NRXN2: variants seen among roughly 807,000 people sequenced by gnomAD.
NRXN2 encodes the protein neurexin 2, also known as neurexin-2-beta.
Under a neutral mutation model 128.8 loss-of-function variants are expected in NRXN2, and 29 were observed. The observed-to-expected ratio is 0.23, with a 90% CI of 0.17 to 0.31. The LOEUF is 0.31. Ranked by LOEUF, NRXN2 falls within the 10% of genes least tolerant of loss-of-function variation. NRXN2 has a pLI of 1.00. For synonymous variants in NRXN2, 1,098 were observed against 1,075.2 expected (o/e 1.02, Z -0.41); for missense variants, 1,881 against 2,452.6 (o/e 0.77, Z 4.92).
At chr11:64,655,102 G>A (rs540728381) in intron 11 of NRXN2, among the ~76,000 whole-genome samples, 64 of 152,334 alleles carry the variant, frequency 4.2e-4, no homozygotes, top group Admixed American at 2.0e-3. Flanking sequence ...CAAAGGGGGT[G>A]GGCAGCTGCA....
intron 19 of NRXN2, among the ~76,000 whole-genome samples, chr11:64,628,980 T>C (rs960015106): frequency 6.6e-6 from 1 of 152,148 alleles, no homozygotes; most frequent in Non-Finnish European, 1.5e-5. Context: ...CATGAACCTC[T>C]GTATGTATTA....
chr11:64,629,801 C>T (rs541056413), intron 19 of NRXN2, among the ~76,000 whole-genome samples: 1 of 152,266 alleles, frequency 6.6e-6, no homozygotes, highest in Admixed American at 6.5e-5. Flanking sequence ...CTTGTCTCTT[C>T]CTCCCTTTCA....
intron 17 of NRXN2, among the ~76,000 whole-genome samples, chr11:64,646,838 T>C (rs894702518): frequency 1.3e-5 from 2 of 152,204 alleles, no homozygotes; most frequent in Non-Finnish European, 2.9e-5. Flanking sequence ...AGCTGGCCAT[T>C]GTCTGGAGGC....
chr11:64,681,193 A>C (rs2052223722), intron 6 of NRXN2, among the ~76,000 whole-genome samples: 2 of 152,028 alleles, frequency 1.3e-5, no homozygotes, highest in Admixed American at 6.6e-5. Context: ...GCTCACATGA[A>C]GTAGTTAGAT....
chr11:64,651,457 G>C lies in NRXN2; in HGVS notation c.2716C>G (p.Leu906Val), dbSNP rs746823521. Residue 906 changes from leucine to valine, a missense_variant, in exon 14 of 23, where the codon CTC (leucine) becomes GTC (valine). Physicochemically the swap from Leu to Val is conservative, Grantham distance 32. This residue lies in a region of NRXN2 where 390 missense variants were observed against 599.6 expected (regional missense o/e 0.65). Coordinates refer to ENST00000265459, the MANE Select transcript of NRXN2 (RefSeq NM_015080.4). This position sits in a 1 kb window ranked among gnomAD's most constrained non-coding sequence, Gnocchi z 5.9. ...CKDGDITYCE[L>V]NARFGLRAIV... ...GCACGCAGGCCAAAGCGAGCATTGA[G>C]CTCACAGTAGGTGATGTCACCATCC... The C allele has an allele frequency of 6.2e-7, 1 of 1,614,206 alleles. No homozygotes were observed. Among genetic ancestry groups the C allele is most frequent in the South Asian group, 1.1e-5 (1 of 91,080 alleles).
chr11:64,670,075 G>C (rs1428585177), intron 7 of NRXN2, among the ~76,000 whole-genome samples: 1 of 152,138 alleles, frequency 6.6e-6, no homozygotes, highest in Non-Finnish European at 1.5e-5. Flanking sequence ...ACTGGGGTAA[G>C]GGAGCTTCCT....
At chr11:64,721,889 G>T (rs1165569847) in intron 1 of NRXN2, among the ~76,000 whole-genome samples, 1 of 152,014 alleles carries the variant, frequency 6.6e-6, no homozygotes, top group South Asian at 2.1e-4. Context: ...ATTATTCCAG[G>T]TGGACAGCCT....
At chr11:64,609,338 A>G (rs1181866911) in intron 22 of NRXN2, among the ~76,000 whole-genome samples, 1 of 152,154 alleles carries the variant, frequency 6.6e-6, no homozygotes, top group African/African-American at 2.4e-5. Flanking sequence ...AGTTAAAACA[A>G]TAACAAAACA....
chr11:64,639,003 C>A (rs1200746660), intron 17 of NRXN2, among the ~76,000 whole-genome samples: 7 of 152,236 alleles, frequency 4.6e-5, no homozygotes, highest in Admixed American at 3.3e-4. Flanking sequence ...ACAACATAAT[C>A]ATCCATGTAG....
chr11:64,664,786 T>C (rs1020171996), intron 9 of NRXN2, among the ~76,000 whole-genome samples: 1 of 150,758 alleles, frequency 6.6e-6, no homozygotes, highest in Non-Finnish European at 1.5e-5. Context: ...GGTCAGGAGT[T>C]CGAGACCAGC....
chr11:64,716,249 A>G (rs533769243), intron 1 of NRXN2, among the ~76,000 whole-genome samples: 9 of 152,240 alleles, frequency 5.9e-5, no homozygotes, highest in Middle Eastern at 3.4e-3. Flanking sequence ...GCTGCTGTCC[A>G]GTCATCCCCA....
Position 64,667,445 on chromosome 11 carries a change from C to T in NRXN2, c.1603G>A (p.Gly535Ser), listed in dbSNP as rs1292687772. The change falls in exon 9 of 23, where the codon GGC becomes AGC. Residue 535 changes from glycine to serine, a missense_variant. Gly to Ser is a moderately conservative substitution (Grantham distance 56). Around this residue, in one of 7 missense-constraint regions of NRXN2, gnomAD observed 997 missense variants for 1,240.8 expected, o/e 0.80. Transcript: ENST00000265459. The surrounding 1 kb of genome is among the most constrained non-coding windows in gnomAD (Gnocchi z 5.6). ...CCAGCTCCACCCCCAGCCCGCCGGC[C>T]CTGGCTGAAGAGCAGCAGCCCATTG... ...EPNGLLLFSQ[G>S]RRAGGGAGSH... is the part of the protein sequence containing the mutation. The T allele has an allele frequency of 2.5e-6, 4 of 1,614,140 alleles. No individual in the cohort carries two copies. The highest frequency in any genetic ancestry group is 2.5e-6 in the Non-Finnish European group (3 of 1,180,022).
At chr11:64,618,464 C>T (rs1187396185) in intron 22 of NRXN2, among the ~76,000 whole-genome samples, 1 of 152,238 alleles carries the variant, frequency 6.6e-6, no homozygotes, top group African/African-American at 2.4e-5. Flanking sequence ...CCCTCAAAGA[C>T]CGTTGTCCCC....
chr11:64,648,782 T>A lies in NRXN2; in HGVS notation c.3235A>T (p.Ile1079Phe), dbSNP rs1297994268. The A allele has an allele frequency of 6.2e-7, 1 of 1,614,038 alleles. No individual in the cohort carries two copies. Among genetic ancestry groups the A allele is most frequent in the African/African-American group, 1.3e-5 (1 of 74,922 alleles). Residue 1079 changes from isoleucine (I) to phenylalanine (F), a missense_variant, in exon 16 of 23, where the codon ATC becomes TTC. This residue lies in a region of NRXN2 where 390 missense variants were observed against 599.6 expected (regional missense o/e 0.65). Transcript: ENST00000265459. This position sits in a 1 kb window ranked among gnomAD's most constrained non-coding sequence, Gnocchi z 4.1. ...VDLNGRLPDL[I>F]ADALHRIGQV... ...CCAATGCGGTGCAGGGCGTCGGCGATGAGGTCTGGGAGACGTCCGTTGAGG... is the reference window on the plus strand; with the variant it reads ...CCAATGCGGTGCAGGGCGTCGGCGAAGAGGTCTGGGAGACGTCCGTTGAGG...
chr11:64,642,444 G>A (rs2045838057), intron 17 of NRXN2: 7 of 1,473,342 alleles, frequency 4.8e-6, no homozygotes, highest in Non-Finnish European at 6.3e-6. Context: ...GGCGTGCACA[G>A]CTGGGGTGGG....
rs1406235597 is a variant in NRXN2 at position 64,608,016 on chromosome 11, G to T, written c.4319C>A (p.Ser1440Tyr). 4 of 1,268,166 alleles carry T rather than the reference G, an allele frequency of 3.2e-6. No homozygotes were observed. The highest frequency in any genetic ancestry group is 2.2e-6 in the Non-Finnish European group (2 of 927,806). The allele number at this position is 1,268,166 out of a possible 1,614,324, so 78.6% of individuals were successfully genotyped here. Reference protein sequence around the residue: ...SLDPPPVATRSPFVPPPPTFY... With the variant: ...SLDPPPVATRYPFVPPPPTFY... ...GGTAGGGGGCGGGGGCACGAAGGGG[G>T]ATCGGGTGGCCACGGGAGGGGGGTC... The change falls in exon 23 of 23, where the codon TCC becomes TAC. Residue 1440 changes from serine (S) to tyrosine (Y), a missense_variant. Transcript: ENST00000265459.
chr11:64,655,703 C>T (rs146252467), intron 11 of NRXN2, among the ~76,000 whole-genome samples: 1 of 152,170 alleles, frequency 6.6e-6, no homozygotes, highest in Non-Finnish European at 1.5e-5. Context: ...AGGCCCACCC[C>T]TGCAGAGACT....
At chr11:64,701,797 G>A (rs972757975) in intron 2 of NRXN2, among the ~76,000 whole-genome samples, 9 of 151,698 alleles carry the variant, frequency 5.9e-5, no homozygotes, top group Non-Finnish European at 7.4e-5. Context: ...CCCCCCGTCC[G>A]GCCAGCCGCC....
In NRXN2 at chr11:64,630,541, C is replaced by G; in HGVS notation, c.3618G>C (p.Val1206=). ...DQGTVGVIFN[V]GTDDITIDEP... ...CGTCGATGGTAATGTCGTCCGTGCC[C>G]ACGTTAAAGATCACCCCCACGGTGC... The change falls in exon 19 of 23, where the codon GTG becomes GTC. Residue 1206 remains valine, a synonymous_variant. Transcript: ENST00000265459. This position sits in a 1 kb window ranked among gnomAD's most constrained non-coding sequence, Gnocchi z 4.6. 1 of 1,614,050 alleles carries G rather than the reference C, an allele frequency of 6.2e-7. No individual in the cohort carries two copies. The highest frequency in any genetic ancestry group is 8.5e-7 in the Non-Finnish European group (1 of 1,180,016).
Sources: allele counts gnomAD v4.1 joint callset (sites outside exome capture counted in the v4.1 genomes callset), GRCh38; gene constraint gnomAD v4.1.1; regional missense constraint gnomAD v4.1.1; non-coding constraint Gnocchi (gnomAD v3.1); transcripts MANE v1.5; gene names NCBI Gene and HGNC (gene_info 2026-07-23, HGNC 2026-07-21).